The following LARP1 variants were observed in gnomAD, a reference collection of about 807,000 sequenced individuals.
LARP1 encodes the protein La ribonucleoprotein 1, translational regulator, also known as la-related protein 1.
Under a neutral mutation model 122.7 loss-of-function variants are expected in LARP1, and 36 were observed. The ratio of observed to expected loss-of-function variants is 0.29; its 90% confidence interval spans 0.22 to 0.39. LARP1 has a LOEUF of 0.39. LARP1 is among the 10% of genes least tolerant of loss of function. The pLI, the probability that LARP1 is intolerant of heterozygous loss-of-function variation, is 1.00. For missense variants in LARP1, 1,040 were observed against 1,403.6 expected, an observed-to-expected ratio of 0.74 and a Z score of 4.14; for synonymous variants, 539 against 528.7, an observed-to-expected ratio of 1.02 and a Z score of -0.27.
At chr5:154,773,632 A>G (rs1446285205) in intron 1 of LARP1, among the ~76,000 whole-genome samples, 1 of 152,214 alleles carries the variant, frequency 6.6e-6, no homozygotes. Flanking sequence ...AGCACCCTGA[A>G]CTCCCAGTCC....
chr5:154,756,309 C>G (rs757223981), intron 1 of LARP1, 116 bp downstream of exon 1: 11 of 948,136 alleles, frequency 1.2e-5, no homozygotes, highest in South Asian at 2.9e-5. Context: ...TGACTCGGGA[C>G]TTTTTAAAAT....
rs191109654 is a variant in LARP1 at position 154,693,622 on chromosome 5, G to A, written c.-180+10585G>A. Among the ~76,000 whole-genome samples the A allele has an allele frequency of 1.2e-4, 19 of 152,186 alleles. 1 individual carries two copies. Among genetic ancestry groups the A allele is most frequent in the East Asian group, 7.7e-4 (4 of 5,180 alleles). On this transcript the variant is annotated intron_variant, in intron 1 of 18. Coordinates refer to the LARP1 transcript ENST00000687700. ...TGTAATCCCAGCACTTTGGGAGGCCGAGGCGGGCGGATCACGAGGTCAGGA... is the reference window on the plus strand; with the variant it reads ...TGTAATCCCAGCACTTTGGGAGGCCAAGGCGGGCGGATCACGAGGTCAGGA...
Position 154,795,329 on chromosome 5 carries a change from C to T in LARP1, c.1377+10C>T, listed in dbSNP as rs1757663207. On this transcript the variant is annotated intron_variant, in intron 8 of 18. Coordinates refer to ENST00000518297, the MANE Select transcript of LARP1 (RefSeq NM_033551.3). ...TTCACTCATCTTTGCGGTATGTCTTCCTCCCTGGAGCTGGGATGCAGGGGA... is the reference window on the plus strand; with the variant it reads ...TTCACTCATCTTTGCGGTATGTCTTTCTCCCTGGAGCTGGGATGCAGGGGA... 2.5e-6 allele frequency: 4 copies of T among 1,612,906 alleles called. No individual in the cohort carries two copies. The highest frequency in any genetic ancestry group is 2.2e-5 in the South Asian group (2 of 90,966).
chr5:154,683,439 T>G (rs1271850177), intron 1 of LARP1, among the ~76,000 whole-genome samples: 1 of 152,210 alleles, frequency 6.6e-6, no homozygotes, highest in Admixed American at 6.5e-5. Flanking sequence ...CTCAAAAAAT[T>G]AGAATATATG....
intron 7 of LARP1, 32 bp from the exon 8 acceptor site, chr5:154,795,143 C>T (rs1561613773): frequency 1.2e-6 from 2 of 1,608,262 alleles, no homozygotes; most frequent in Non-Finnish European, 1.7e-6. Flanking sequence ...GCACCAATCC[C>T]TCGGTGATAA....
At chr5:154,703,312 T>C (rs1343017458) in intron 1 of LARP1, among the ~76,000 whole-genome samples, 2 of 152,126 alleles carry the variant, frequency 1.3e-5, no homozygotes, top group East Asian at 1.9e-4. Flanking sequence ...AAGGACCTTA[T>C]GCCAGTTGCC....
chr5:154,794,362 G>A, intron 7 of LARP1, 100 bp downstream of exon 7: 1 of 1,163,316 alleles, frequency 8.6e-7, no homozygotes. Flanking sequence ...CTTAGCAGCA[G>A]TTTCAGCCTC....
At chr5:154,807,466 A>G (rs576992426) in intron 15 of LARP1, among the ~76,000 whole-genome samples, 4 of 152,246 alleles carry the variant, frequency 2.6e-5, no homozygotes, top group South Asian at 4.1e-4. Context: ...TTCGTTTTAT[A>G]TTTCTAAAAG....
chr5:154,782,996 T>A (rs1275186318), intron 1 of LARP1, among the ~76,000 whole-genome samples: 1 of 152,060 alleles, frequency 6.6e-6, no homozygotes, highest in African/African-American at 2.4e-5. Flanking sequence ...GTAGCCAGGC[T>A]TTTCAGTTAA....
rs1009354683 is a variant in LARP1 at position 154,793,891 on chromosome 5, T to C, written c.960T>C (p.Asp320=). 1.2e-6 allele frequency: 2 copies of C among 1,613,958 alleles called. No homozygotes were observed. The highest frequency in any genetic ancestry group is 1.7e-6 in the Non-Finnish European group (2 of 1,179,894). ...IKPEPAWHDQ[D]ETSSVKSDGA... is the part of the protein sequence containing the mutation. ...CGGAGCCTGCCTGGCACGACCAGGA[T>C]GAGACATCGAGTGTGAAGAGTGATG... is the stretch of plus-strand genomic sequence containing the variant. Residue 320 remains aspartate, a synonymous_variant, in exon 6 of 19, where the codon GAT becomes GAC. Transcript: ENST00000518297.
chr5:154,795,357 G>A (rs1203655112), intron 8 of LARP1, 38 bp downstream of exon 8: 1 of 1,606,352 alleles, frequency 6.2e-7, no homozygotes, highest in East Asian at 2.2e-5. Flanking sequence ...GCAGGGGAAA[G>A]AAAGGTCCTT....
upstream of LARP1, among the ~76,000 whole-genome samples, chr5:154,753,988 G>A (rs1471642854): frequency 6.6e-6 from 1 of 152,204 alleles, no homozygotes; most frequent in Non-Finnish European, 1.5e-5. Context: ...TCAGAAGCCA[G>A]GACTTCTCCA....
At chr5:154,684,447 A>C (rs57106376) in intron 1 of LARP1, among the ~76,000 whole-genome samples, 8,677 of 152,162 alleles carry the variant, frequency 0.057, 395 homozygotes, top group African/African-American at 0.13. Flanking sequence ...CACACACACA[A>C]AAAAATTGTA....
chr5:154,698,362 C>T (rs1447939274), intron 1 of LARP1, among the ~76,000 whole-genome samples: 1 of 151,928 alleles, frequency 6.6e-6, no homozygotes, highest in Non-Finnish European at 1.5e-5. Context: ...TTTGGGAGGC[C>T]GAGGAGGGTG....
Position 154,803,480 on chromosome 5 carries a change from T to C in LARP1, c.2234-60T>C. 6.2e-7 allele frequency: 1 copy of C among 1,613,962 alleles called. No homozygotes were observed. The highest frequency in any genetic ancestry group is 8.5e-7 in the Non-Finnish European group (1 of 1,179,928). ...TCTAGGGCCCTTGGACTGGGGGCTA[T>C]CCTGGGGTGGATGCCACAGGCCTTT... On this transcript the variant is annotated intron_variant, in intron 12 of 18. Transcript: ENST00000518297. The surrounding 1 kb of genome is among the most constrained non-coding windows in gnomAD (Gnocchi z 4.4).
intron 1 of LARP1, among the ~76,000 whole-genome samples, chr5:154,765,342 C>T (rs1754847554): frequency 6.6e-6 from 1 of 152,156 alleles, no homozygotes; most frequent in Admixed American, 6.5e-5. Context: ...CTTGGATTCC[C>T]TCTCTCCATC....
At position 154,730,626 on chromosome 5, in the gene LARP1, C is replaced by G. The variant is rs532530061; in HGVS notation, c.205+17496C>G. ...TAGCTGGAATTACAGGTGCATGCCA[C>G]CATGCCTGGCTAGTTTTTTGTATCT... On this transcript the variant is annotated intron_variant, in intron 1 of 18. Coordinates refer to the LARP1 transcript ENST00000336314. Among the ~76,000 whole-genome samples, 21 of 152,216 alleles carry G rather than the reference C, an allele frequency of 1.4e-4. No individual in the cohort carries two copies. In the South Asian group the frequency reaches 4.4e-3, roughly 32 times the overall value.
chr5:154,697,815 T>A (rs1754533746), intron 1 of LARP1, among the ~76,000 whole-genome samples: 3 of 152,014 alleles, frequency 2.0e-5, no homozygotes. Context: ...AAGGATTTGT[T>A]TTTTGTTTGT....
chr5:154,713,215 G>A (rs1755313883), intron 1 of LARP1: 2 of 1,184,036 alleles, frequency 1.7e-6, no homozygotes, highest in African/African-American at 1.5e-5. Flanking sequence ...CAGAAACCTT[G>A]GGTGCTGGTT....
Sources: gnomAD v4.1 joint callset for allele counts (sites outside exome capture counted in the v4.1 genomes callset) on GRCh38, gnomAD v4.1.1 for gene constraint, Gnocchi (gnomAD v3.1) non-coding constraint, MANE v1.5 for transcripts, NCBI Gene and HGNC (gene_info 2026-07-23, HGNC 2026-07-21) for gene names.